The following DCUN1D5 variants were observed in gnomAD, a reference collection of about 807,000 sequenced individuals.
The protein encoded by DCUN1D5 is DCN1-like protein 5.
A neutral mutation model predicts 38.3 loss-of-function variants in DCUN1D5; 10 were observed. The observed-to-expected ratio is 0.26, with a 90% confidence interval of 0.16 to 0.44. The LOEUF (loss-of-function observed/expected upper bound fraction) is 0.44, where lower values mean the gene tolerates loss of function less well. DCUN1D5 is among the 20% of genes least tolerant of loss of function. The pLI, the probability that DCUN1D5 is intolerant of heterozygous loss-of-function variation, is 1.00. For missense variants in DCUN1D5, 148 were observed against 275.3 expected, an observed-to-expected ratio of 0.54 and a Z score of 3.27; for synonymous variants, 93 against 90.9, an observed-to-expected ratio of 1.02 and a Z score of -0.13.
At chr11:103,068,234 T>C (rs919215271) in intron 4 of DCUN1D5, among the ~76,000 whole-genome samples, 1 of 152,222 alleles carries the variant, frequency 6.6e-6, no homozygotes, top group African/African-American at 2.4e-5. Flanking sequence ...TTTAAGGCTA[T>C]AATTTCCCTC....
Position 103,064,980 on chromosome 11 carries a change from G to C in DCUN1D5, c.556-603C>G, listed in dbSNP as rs1862099912. Among the ~76,000 whole-genome samples, 1 of 152,078 alleles carries C rather than the reference G, an allele frequency of 6.6e-6. No homozygotes were observed. The highest frequency in any genetic ancestry group is 2.1e-4 in the South Asian group (1 of 4,834). On this transcript the variant is annotated intron_variant, in intron 6 of 7. Transcript: ENST00000260247. The surrounding 1 kb of genome is among the most constrained non-coding windows in gnomAD (Gnocchi z 4.5). Reference sequence around the variant, plus strand: ...CATAACAAGTGTCTGAAAATATTTAGTTCTTCTCAGCTCCCCATAGAGCTG... The same window carrying C: ...CATAACAAGTGTCTGAAAATATTTACTTCTTCTCAGCTCCCCATAGAGCTG...
At chr11:103,072,857 T>C (rs1479921541) in intron 4 of DCUN1D5, among the ~76,000 whole-genome samples, 1 of 151,954 alleles carries the variant, frequency 6.6e-6, no homozygotes, top group African/African-American at 2.4e-5. Flanking sequence ...TGTATACATA[T>C]GTAACAAACC....
Position 103,062,432 on chromosome 11 carries a change from A to G in DCUN1D5, c.659-18T>C. On this transcript the variant is annotated intron_variant, in intron 7 of 7. Coordinates refer to ENST00000260247, the MANE Select transcript of DCUN1D5 (RefSeq NM_032299.4). This position sits in a 1 kb window ranked among gnomAD's most constrained non-coding sequence, Gnocchi z 4.6. Reference sequence around the variant, plus strand: ...AACAGGCCCTAGAAAAAAAGAAACCATTTTTGTCAGAATTCAGTGAACTCA... The same window carrying G: ...AACAGGCCCTAGAAAAAAAGAAACCGTTTTTGTCAGAATTCAGTGAACTCA... 1 of 1,609,330 alleles carries G rather than the reference A, an allele frequency of 6.2e-7. No homozygotes were observed. Among genetic ancestry groups the G allele is most frequent in the South Asian group, 1.1e-5 (1 of 90,336 alleles).
In DCUN1D5 at chr11:103,091,807, G is replaced by C; in HGVS notation, c.66C>G (p.Leu22=). The change falls in exon 1 of 8, where the codon CTC becomes CTG. Residue 22 remains leucine (L), a synonymous_variant. Transcript: ENST00000260247. The surrounding 1 kb of genome is among the most constrained non-coding windows in gnomAD (Gnocchi z 4.3). ...GGTACCTGGAGATTTTACACTTTTT[G>C]AGGCCTCCGTCTTCCGCTACTGCTG... ...VAAAVAEDGG[L]KKCKISSYCR... is the part of the protein sequence containing the mutation. 1.2e-6 allele frequency: 2 copies of C among 1,614,080 alleles called. No individual in the cohort carries two copies. Among genetic ancestry groups the C allele is most frequent in the Non-Finnish European group, 1.7e-6 (2 of 1,179,968 alleles).
At chr11:103,076,385 A>C (rs946460396) in intron 4 of DCUN1D5, among the ~76,000 whole-genome samples, 6 of 152,220 alleles carry the variant, frequency 3.9e-5, no homozygotes, top group Non-Finnish European at 8.8e-5. Context: ...GAAGTCACTA[A>C]GGAGATAAGA....
At chr11:103,084,031 T>A (rs948020828) in intron 2 of DCUN1D5, among the ~76,000 whole-genome samples, 1 of 152,190 alleles carries the variant, frequency 6.6e-6, no homozygotes, top group Non-Finnish European at 1.5e-5. Flanking sequence ...ATTTAACTTG[T>A]TCCTTATTTT....
In DCUN1D5 at chr11:103,078,069, G is replaced by T. The variant is rs1862455163; in HGVS notation, c.341+4679C>A. ...CCTCTCGCTAAGACGGTCAAGCCAT[G>T]CCATTCCTTTTACACTTCAAAGTCC... is the stretch of plus-strand genomic sequence containing the variant. On this transcript the variant is annotated intron_variant, in intron 4 of 7. Coordinates refer to ENST00000260247, the MANE Select transcript of DCUN1D5 (RefSeq NM_032299.4). This position sits in a 1 kb window ranked among gnomAD's most constrained non-coding sequence, Gnocchi z 4.6. 6.6e-6 allele frequency among the ~76,000 whole-genome samples: 1 copy of T among 151,984 alleles called. No individual in the cohort carries two copies. The highest frequency in any genetic ancestry group is 1.5e-5 in the Non-Finnish European group (1 of 68,012).
intron 1 of DCUN1D5, among the ~76,000 whole-genome samples, chr11:103,089,545 A>G (rs978163292): frequency 1.3e-5 from 2 of 152,236 alleles, no homozygotes; most frequent in African/African-American, 2.4e-5. Context: ...ACTCAGTATC[A>G]AAATCCAAAA....
At chr11:103,076,732 T>A (rs1430462499) in intron 4 of DCUN1D5, among the ~76,000 whole-genome samples, 1 of 152,186 alleles carries the variant, frequency 6.6e-6, no homozygotes, top group Non-Finnish European at 1.5e-5. Context: ...CCATAAAGAT[T>A]AAATGAGAAT....
In DCUN1D5 at chr11:103,065,129, G is replaced by T. The variant is rs186087812; in HGVS notation, c.556-752C>A. 5.6e-4 allele frequency among the ~76,000 whole-genome samples: 85 copies of T among 151,308 alleles called. No individual in the cohort carries two copies. Among genetic ancestry groups the T allele is most frequent in the Non-Finnish European group, 7.8e-4 (53 of 67,870 alleles). ...TGAATCATGCGTAAAACTCATTCAT[G>T]TAAGACCTTTTCATATCATTGTCTC... On this transcript the variant is annotated intron_variant, in intron 6 of 7. Coordinates refer to ENST00000260247, the MANE Select transcript of DCUN1D5 (RefSeq NM_032299.4). This position sits in a 1 kb window ranked among gnomAD's most constrained non-coding sequence, Gnocchi z 4.6.
At position 103,051,981 on chromosome 11, in the gene DCUN1D5, T is replaced by G. The variant is rs1861751062; in HGVS notation, c.*10378A>C. 1 of 152,204 alleles carries G rather than the reference T, an allele frequency of 6.6e-6. No homozygotes were observed. The highest frequency in any genetic ancestry group is 2.1e-4 in the South Asian group (1 of 4,826). The allele number at this position is 152,204 out of a possible 1,614,324, so 9.4% of individuals were successfully genotyped here. On this transcript the variant is annotated 3_prime_UTR_variant, in exon 8 of 8. Transcript: ENST00000260247. ...TTTCAGTCCACAGAACTCACTCTCC[T>G]CTGAACTCCTATAGCTTATTGTCAT...
At chr11:103,069,911 C>T (rs1202934544) in intron 4 of DCUN1D5, among the ~76,000 whole-genome samples, 6 of 151,946 alleles carry the variant, frequency 3.9e-5, no homozygotes, top group East Asian at 3.9e-4. Context: ...AATATACTAC[C>T]CAAAATATCC....
At position 103,089,507 on chromosome 11, in the gene DCUN1D5, T is replaced by C. The variant is rs141093060; in HGVS notation, c.87-189A>G. Among the ~76,000 whole-genome samples the C allele has an allele frequency of 6.7e-4, 102 of 152,302 alleles. 1 individual carries two copies. The East Asian group carries it at 0.012, about 18-fold the overall frequency. On this transcript the variant is annotated intron_variant, in intron 1 of 7. Coordinates refer to ENST00000260247, the MANE Select transcript of DCUN1D5 (RefSeq NM_032299.4). ...AACAGTAGTCTATACATAAGAATTATCGGCTAACAAAACCCAAATACCTTT... is the reference window on the plus strand; with the variant it reads ...AACAGTAGTCTATACATAAGAATTACCGGCTAACAAAACCCAAATACCTTT...
chr11:103,059,906 A>C lies in DCUN1D5; in HGVS notation c.*2453T>G, dbSNP rs1861969518. ...CCTGTACAAAGGGAAGTAGTTCTGA[A>C]AATTTTACAACAGGGTTCGTGGGAA... On this transcript the variant is annotated 3_prime_UTR_variant, in exon 8 of 8. Coordinates refer to ENST00000260247, the MANE Select transcript of DCUN1D5 (RefSeq NM_032299.4). Among the ~76,000 whole-genome samples the C allele has an allele frequency of 6.6e-6, 1 of 152,168 alleles. No homozygotes were observed. The highest frequency in any genetic ancestry group is 2.4e-5 in the African/African-American group (1 of 41,440).
At position 103,083,443 on chromosome 11, in the gene DCUN1D5, T is replaced by A; in HGVS notation, c.179-117A>T. The A allele has an allele frequency of 3.4e-6, 2 of 586,558 alleles. No homozygotes were observed. Among genetic ancestry groups the A allele is most frequent in the Non-Finnish European group, 6.1e-6 (2 of 326,396 alleles). 36.3% of individuals were successfully genotyped at this position (586,558 alleles called of 1,614,324 possible). Reference sequence around the variant, plus strand: ...TATTTTGCAAATAATTAAATTTGAATTTTGGCATAGCTTTGATAAGTATAA... The same window carrying A: ...TATTTTGCAAATAATTAAATTTGAAATTTGGCATAGCTTTGATAAGTATAA... On this transcript the variant is annotated intron_variant, in intron 2 of 7. Transcript: ENST00000260247. This position sits in a 1 kb window ranked among gnomAD's most constrained non-coding sequence, Gnocchi z 4.4.
chr11:103,080,925 C>T (rs139072082), intron 4 of DCUN1D5, among the ~76,000 whole-genome samples: 6,799 of 152,008 alleles, frequency 0.045, 211 homozygotes, highest in Non-Finnish European at 0.063. Context: ...AGGAGAATCG[C>T]TTGAACCCAG....
At chr11:103,089,793 T>G (rs906902343) in intron 1 of DCUN1D5, among the ~76,000 whole-genome samples, 1 of 152,086 alleles carries the variant, frequency 6.6e-6, no homozygotes, top group Non-Finnish European at 1.5e-5. Context: ...TTAAATAGAT[T>G]TTTAAAGATA....
rs886427230 is a variant in DCUN1D5 at position 103,063,006 on chromosome 11, T to G, written c.659-592A>C. ...GAGCTCAGTGTTTATTTTGTTTAAATGTAGGAAAAAAATCACCGCCACAAA... is the reference window on the plus strand; with the variant it reads ...GAGCTCAGTGTTTATTTTGTTTAAAGGTAGGAAAAAAATCACCGCCACAAA... On this transcript the variant is annotated intron_variant, in intron 7 of 7. Transcript: ENST00000260247. The surrounding 1 kb of genome is among the most constrained non-coding windows in gnomAD (Gnocchi z 4.6). Among the ~76,000 whole-genome samples, 1 of 152,110 alleles carries G rather than the reference T, an allele frequency of 6.6e-6. No individual in the cohort carries two copies. The highest frequency in any genetic ancestry group is 1.5e-5 in the Non-Finnish European group (1 of 67,966).
intron 4 of DCUN1D5, among the ~76,000 whole-genome samples, chr11:103,068,838 T>TAA (rs34458894): frequency 6.9e-6 from 1 of 145,332 alleles, no homozygotes; most frequent in Admixed American, 6.9e-5. Context: ...ACCTAAAAAT[T>TAA]AAAAAAAAAA....
Sources: gnomAD v4.1 joint callset for allele counts (sites outside exome capture counted in the v4.1 genomes callset) on GRCh38, gnomAD v4.1.1 for gene constraint, Gnocchi (gnomAD v3.1) non-coding constraint, MANE v1.5 for transcripts, NCBI Gene and HGNC (gene_info 2026-07-23, HGNC 2026-07-21) for gene names.